The following NAV3 variants were observed in gnomAD, a reference collection of about 807,000 sequenced individuals.
NAV3 encodes pore membrane and/or filament interacting like protein 1.
Under a neutral mutation model 244.7 loss-of-function variants are expected in NAV3, and 87 were observed. The ratio of observed to expected loss-of-function variants is 0.36; its 90% confidence interval spans 0.30 to 0.42. The LOEUF is 0.42. Ranked by LOEUF, NAV3 falls within the 20% of genes least tolerant of loss-of-function variation. The pLI is 1.00. For synonymous variants in NAV3, 1,126 were observed against 1,042.2 expected, an observed-to-expected ratio of 1.08 and a Z score of -1.55; for missense variants, 2,663 against 2,893.3, an observed-to-expected ratio of 0.92 and a Z score of 1.83.
chr12:78,069,796 G>A (rs1466159454), intron 12 of NAV3, among the ~76,000 whole-genome samples: 1 of 151,898 alleles, frequency 6.6e-6, no homozygotes, highest in Non-Finnish European at 1.5e-5. Flanking sequence ...GTGTGTGTAT[G>A]TTAGTGTGGG....
intron 1 of NAV3, among the ~76,000 whole-genome samples, chr12:77,843,559 G>A (rs139385818): frequency 0.011 from 1,649 of 150,302 alleles, 27 homozygotes; most frequent in African/African-American, 0.038. Flanking sequence ...CATTTTAGGT[G>A]TCTTTTTAGG....
intron 13 of NAV3, among the ~76,000 whole-genome samples, chr12:78,117,539 T>C (rs1955474901): frequency 6.7e-6 from 1 of 149,048 alleles, no homozygotes; most frequent in Non-Finnish European, 1.5e-5. Context: ...CTTAATATAA[T>C]ATATATTCAA....
rs577535342 is a variant in NAV3, at chr12:77,909,714, C to A, written c.244-30605C>A. Reference sequence around the variant, plus strand: ...TTATGACTTTCTTGTATAAATGCTTCTTCATGGATGCTTTATATAAAATAT... The same window carrying A: ...TTATGACTTTCTTGTATAAATGCTTATTCATGGATGCTTTATATAAAATAT... On this transcript the variant is annotated intron_variant, in intron 1 of 39. Transcript: ENST00000397909. Among the ~76,000 whole-genome samples the A allele has an allele frequency of 8.5e-5, 13 of 152,102 alleles. No homozygotes were observed. The South Asian group carries it at 1.9e-3, about 22-fold the overall frequency.
intron 20 of NAV3, chr12:78,143,477 A>C: frequency 2.7e-6 from 1 of 368,128 alleles, no homozygotes; most frequent in Non-Finnish European, 5.3e-6. Flanking sequence ...CTAAAAATAC[A>C]GAAATTAGCC....
intron 2 of NAV3, among the ~76,000 whole-genome samples, chr12:77,601,916 A>C (rs1228629002): frequency 6.6e-6 from 1 of 151,996 alleles, no homozygotes; most frequent in African/African-American, 2.4e-5. Context: ...TAGGGGATGA[A>C]GTTTTGTGAG....
At chr12:77,914,705 G>A (rs908519305) in intron 1 of NAV3, among the ~76,000 whole-genome samples, 1 of 151,940 alleles carries the variant, frequency 6.6e-6, no homozygotes, top group Non-Finnish European at 1.5e-5. Context: ...CTATTGTGGA[G>A]TAAAGTTAAT....
chr12:78,000,012 G>T (rs1185655731), intron 7 of NAV3, among the ~76,000 whole-genome samples: 1 of 152,142 alleles, frequency 6.6e-6, no homozygotes, highest in Non-Finnish European at 1.5e-5. Context: ...AATAGACTTA[G>T]AAATGCATTT....
intron 2 of NAV3, among the ~76,000 whole-genome samples, chr12:77,654,127 T>C (rs909898412): frequency 6.6e-6 from 1 of 152,142 alleles, no homozygotes; most frequent in Non-Finnish European, 1.5e-5. Context: ...GCACGCACCG[T>C]GCGTGAGCCG....
intron 11 of NAV3, among the ~76,000 whole-genome samples, chr12:78,056,845 T>C (rs1883587044): frequency 6.6e-6 from 1 of 152,184 alleles, no homozygotes; most frequent in African/African-American, 2.4e-5. Flanking sequence ...CTCAATAAGG[T>C]AGTAATGAAT....
chr12:77,958,275 T>C (rs2137780625), intron 3 of NAV3, among the ~76,000 whole-genome samples: 1 of 152,316 alleles, frequency 6.6e-6, no homozygotes, highest in South Asian at 2.1e-4. Flanking sequence ...AATAATTCAG[T>C]GCTCTTTAGA....
intron 24 of NAV3, among the ~76,000 whole-genome samples, chr12:78,169,701 G>A (rs1044980567): frequency 6.6e-6 from 1 of 151,634 alleles, no homozygotes; most frequent in Non-Finnish European, 1.5e-5. Context: ...GACCACTGGA[G>A]TGTAGCTCCT....
At chr12:77,938,446 A>G (rs1889540622) in intron 1 of NAV3, among the ~76,000 whole-genome samples, 1 of 152,066 alleles carries the variant, frequency 6.6e-6, no homozygotes, top group Non-Finnish European at 1.5e-5. Flanking sequence ...AGGAGATGCA[A>G]TTTTGCTCTC....
intron 1 of NAV3, among the ~76,000 whole-genome samples, chr12:77,915,797 CCATT>C (rs1887084727): frequency 6.6e-6 from 1 of 151,884 alleles, no homozygotes; most frequent in African/African-American, 2.4e-5. Flanking sequence ...CCTGAATTCC[CCATT>C]CATTCATTTA....
intron 2 of NAV3, among the ~76,000 whole-genome samples, chr12:77,729,271 C>A (rs1382125201): frequency 6.6e-6 from 1 of 151,900 alleles, no homozygotes; most frequent in Non-Finnish European, 1.5e-5. Context: ...ATAGGTTTGG[C>A]AATCATCAGT....
chr12:77,771,663 A>G (rs1870094291), intron 2 of NAV3, among the ~76,000 whole-genome samples: 1 of 152,188 alleles, frequency 6.6e-6, no homozygotes, highest in South Asian at 2.1e-4. Flanking sequence ...TATCACAAGG[A>G]CAAAAAACCA....
chr12:77,581,510 T>C (rs1249421976), intron 2 of NAV3, among the ~76,000 whole-genome samples: 1 of 152,170 alleles, frequency 6.6e-6, no homozygotes, highest in East Asian at 1.9e-4. Flanking sequence ...ATTTCTTATG[T>C]GTATATTTGT....
intron 9 of NAV3, chr12:78,037,003 A>G (rs1477976971): frequency 7.1e-6 from 5 of 702,798 alleles, no homozygotes; most frequent in Admixed American, 2.0e-5. Flanking sequence ...CGCATTTCCA[A>G]CTGGTTTGGA....
chr12:77,581,973 A>G (rs771842078), intron 2 of NAV3, among the ~76,000 whole-genome samples: 3 of 152,204 alleles, frequency 2.0e-5, no homozygotes, highest in Non-Finnish European at 4.4e-5. Flanking sequence ...GAATAGCAAC[A>G]TACAATTACA....
At chr12:77,721,923 G>T (rs1876654169) in intron 2 of NAV3, among the ~76,000 whole-genome samples, 1 of 152,022 alleles carries the variant, frequency 6.6e-6, no homozygotes, top group Non-Finnish European at 1.5e-5. Context: ...ACCCTAACCA[G>T]ACCTGGAACA....
Sources: gnomAD v4.1 joint callset for allele counts (sites outside exome capture counted in the v4.1 genomes callset) on GRCh38, gnomAD v4.1.1 for gene constraint, MANE v1.5 for transcripts, NCBI Gene and HGNC (gene_info 2026-07-23, HGNC 2026-07-21) for gene names.